Variants in SPACA7 observed in about 807,000 individuals in gnomAD.
SPACA7 encodes sperm acrosome-associated protein 7.
In SPACA7, 19 loss-of-function variants were observed where a neutral mutation model predicts 26.3. The ratio of observed to expected loss-of-function variants is 0.72; its 90% confidence interval spans 0.50 to 1.06. The LOEUF (loss-of-function observed/expected upper bound fraction) is 1.06, where lower values mean the gene tolerates loss of function less well. Ranked by LOEUF, SPACA7 falls within the 50% of genes least tolerant of loss-of-function variation. The pLI is 0.00. For synonymous variants in SPACA7, 84 were observed against 84.5 expected, an observed-to-expected ratio of 0.99 and a Z score of 0.04; for missense variants, 211 against 229.9, an observed-to-expected ratio of 0.92 and a Z score of 0.53.
At chr13:112,410,050 GT>G in intron 5 of SPACA7, among the ~76,000 whole-genome samples, 1 of 152,248 alleles carries the variant, frequency 6.6e-6, no homozygotes, top group East Asian at 1.9e-4. Flanking sequence ...AAAAGGATGA[GT>G]TCATGTCCTT....
At chr13:112,400,306 A>G (rs375323075) in intron 4 of SPACA7, among the ~76,000 whole-genome samples, 5 of 152,200 alleles carry the variant, frequency 3.3e-5, no homozygotes, top group African/African-American at 1.2e-4. Flanking sequence ...AAACAGGAAT[A>G]AGATTTTATT....
Position 112,401,171 on chromosome 13 carries a change from G to T in SPACA7, c.445+7G>T. 6.2e-7 allele frequency: 1 copy of T among 1,608,662 alleles called. No homozygotes were observed. ...AAGAGTGTTTCCAGTAAAGGTAAATGTGCCCTGCCCACACTGAGAGCTCTG... is the reference window on the plus strand; with the variant it reads ...AAGAGTGTTTCCAGTAAAGGTAAATTTGCCCTGCCCACACTGAGAGCTCTG... On this transcript the variant is annotated splice_region_variant and intron_variant, in intron 5 of 6. Transcript: ENST00000283550.
chr13:112,395,111 T>C (rs1288611335), intron 2 of SPACA7, among the ~76,000 whole-genome samples: 2 of 152,104 alleles, frequency 1.3e-5, no homozygotes, highest in Non-Finnish European at 2.9e-5. Context: ...CACCATCACG[T>C]GCAATTTCAG....
chr13:112,394,821 G>C (rs938131420), intron 2 of SPACA7, among the ~76,000 whole-genome samples: 2 of 152,184 alleles, frequency 1.3e-5, no homozygotes, highest in Admixed American at 6.5e-5. Context: ...AGAAACAGTG[G>C]CCTCAGAAAA....
At chr13:112,412,161 A>G (rs1005029456) in intron 5 of SPACA7, among the ~76,000 whole-genome samples, 2 of 152,074 alleles carry the variant, frequency 1.3e-5, no homozygotes, top group African/African-American at 4.8e-5. Context: ...GGATGAGATG[A>G]TATCTCATTG....
intron 2 of SPACA7, among the ~76,000 whole-genome samples, chr13:112,395,605 G>A (rs1885192659): frequency 6.6e-6 from 1 of 152,126 alleles, no homozygotes; most frequent in Non-Finnish European, 1.5e-5. Flanking sequence ...CGAGTAGCTG[G>A]GATTTCAGAT....
At chr13:112,396,193 T>C (rs35428000) in intron 2 of SPACA7, among the ~76,000 whole-genome samples, 20,679 of 149,494 alleles carry the variant, frequency 0.14, 1,632 homozygotes, top group South Asian at 0.35. Flanking sequence ...TGGGTCACAC[T>C]GGGACAGGTC....
At position 112,433,251 on chromosome 13, in the gene SPACA7, C is replaced by T. The variant is rs548050607; in HGVS notation, c.523+730C>T. Among the ~76,000 whole-genome samples the T allele has an allele frequency of 2.0e-5, 3 of 147,112 alleles. No individual in the cohort carries two copies. The Admixed American group carries it at 2.1e-4, about 10-fold the overall frequency. The stretch of plus-strand genomic sequence containing the variant: ...TGAATCCCGAGCTGCTGTCTGTGAA[C>T]TCCAAAGACTTTGGCAAATGAGCCA... On this transcript the variant is annotated intron_variant, in intron 6 of 6. Coordinates refer to ENST00000283550, the MANE Select transcript of SPACA7 (RefSeq NM_145248.5).
intron 2 of SPACA7, among the ~76,000 whole-genome samples, chr13:112,394,754 G>A (rs1325876687): frequency 6.6e-6 from 1 of 152,184 alleles, no homozygotes; most frequent in African/African-American, 2.4e-5. Context: ...GCCAGATTCT[G>A]AGAGTTTTAG....
At chr13:112,386,960 A>AT (rs1227798027) in intron 1 of SPACA7, among the ~76,000 whole-genome samples, 1 of 152,240 alleles carries the variant, frequency 6.6e-6, no homozygotes, top group East Asian at 1.9e-4. Context: ...AAGAGAGGAA[A>AT]TCAGAAGCTA....
intron 5 of SPACA7, among the ~76,000 whole-genome samples, chr13:112,432,150 T>C (rs1475373746): frequency 1.3e-5 from 2 of 152,224 alleles, no homozygotes; most frequent in Non-Finnish European, 2.9e-5. Flanking sequence ...AGAATACTTC[T>C]ATGCTAGTGT....
intron 5 of SPACA7, among the ~76,000 whole-genome samples, chr13:112,413,926 T>C (rs1025162145): frequency 6.6e-6 from 1 of 152,160 alleles, no homozygotes; most frequent in Non-Finnish European, 1.5e-5. Flanking sequence ...CTGCCTCTGG[T>C]TGGGGCCTCA....
At chr13:112,424,948 T>C (rs562702867) in intron 5 of SPACA7, among the ~76,000 whole-genome samples, 1 of 152,268 alleles carries the variant, frequency 6.6e-6, no homozygotes, top group East Asian at 1.9e-4. Flanking sequence ...CTTGAGTAGG[T>C]GTTTGTTGAA....
At chr13:112,416,804 TTGTGTGTGTG>T (rs148795567) in intron 5 of SPACA7, among the ~76,000 whole-genome samples, 1 of 147,932 alleles carries the variant, frequency 6.8e-6, no homozygotes, top group African/African-American at 2.5e-5. Flanking sequence ...TGATTATGAG[TTGTGTGTGTG>T]TGTGTGTGTG....
chr13:112,399,196 C>T lies in SPACA7; in HGVS notation c.349+23C>T, dbSNP rs746522899. The T allele has an allele frequency of 6.3e-6, 8 of 1,276,490 alleles. No individual in the cohort carries two copies. In the South Asian group the frequency reaches 7.2e-5, roughly 11 times the overall value. The allele number at this position is 1,276,490 out of a possible 1,614,324, so 79.1% of individuals were successfully genotyped here. ...ATGGTAAATGCAACCCAGTAATTAC[C>T]CCTTCCCAAGTCCAGCTGTAATGGG... On this transcript the variant is annotated intron_variant, in intron 4 of 6. Coordinates refer to ENST00000283550, the MANE Select transcript of SPACA7 (RefSeq NM_145248.5).
chr13:112,383,417 T>G (rs1884336027), intron 1 of SPACA7, among the ~76,000 whole-genome samples: 1 of 152,214 alleles, frequency 6.6e-6, no homozygotes, highest in Non-Finnish European at 1.5e-5. Flanking sequence ...TAGAAATTAT[T>G]TACAGTTTAC....
intron 6 of SPACA7, 86 bp downstream of exon 6, chr13:112,432,607 G>A: frequency 9.5e-7 from 1 of 1,050,092 alleles, no homozygotes; most frequent in Non-Finnish European, 1.5e-6. Context: ...AGCAGCTCCA[G>A]GGAGAGCAGG....
intron 5 of SPACA7, among the ~76,000 whole-genome samples, chr13:112,409,972 T>C (rs1209972492): frequency 6.6e-6 from 1 of 152,104 alleles, no homozygotes; most frequent in Non-Finnish European, 1.5e-5. Flanking sequence ...AACCCAAATG[T>C]CCATCAATGA....
chr13:112,391,110 A>G (rs779763190), intron 1 of SPACA7, among the ~76,000 whole-genome samples: 10 of 152,240 alleles, frequency 6.6e-5, no homozygotes, highest in Non-Finnish European at 1.3e-4. Flanking sequence ...CTCCTTAGGA[A>G]AGCATTCAGG....
Sources: gnomAD v4.1 joint callset for allele counts (sites outside exome capture counted in the v4.1 genomes callset) on GRCh38, gnomAD v4.1.1 for gene constraint, MANE v1.5 for transcripts, NCBI Gene and HGNC (gene_info 2026-07-23, HGNC 2026-07-21) for gene names.